DLK1: variants seen among roughly 807,000 people sequenced by gnomAD.
DLK1 encodes delta like non-canonical Notch ligand 1.
A neutral mutation model predicts 35.2 loss-of-function variants in DLK1; 9 were observed. The ratio of observed to expected loss-of-function variants is 0.26; its 90% confidence interval spans 0.15 to 0.45. The LOEUF (loss-of-function observed/expected upper bound fraction) is 0.45. DLK1 is among the 20% of genes least tolerant of loss of function. The pLI, the probability that DLK1 is intolerant of heterozygous loss-of-function variation, is 1.00. For missense variants in DLK1, 522 were observed against 528.5 expected, an observed-to-expected ratio of 0.99 and a Z score of 0.12; for synonymous variants, 231 against 228.4, an observed-to-expected ratio of 1.01 and a Z score of -0.10.
rs1392495010 is a variant in DLK1, at chr14:100,733,404, A to G, written c.405-745A>G. Among the ~76,000 whole-genome samples the G allele has an allele frequency of 3.9e-5, 6 of 152,156 alleles. No individual in the cohort carries two copies. The East Asian group carries it at 9.6e-4, about 24-fold the overall frequency. On this transcript the variant is annotated intron_variant, in intron 4 of 4. Coordinates refer to ENST00000341267, the MANE Select transcript of DLK1 (RefSeq NM_003836.7). ...TTACATTAAATGCTCCTTGTACTCC[A>G]CTTTGAGCAAACAGCTTTGGTTTGC...
chr14:100,732,273 G>A (rs1027090340), intron 4 of DLK1, 90 bp downstream of exon 4: 27 of 1,516,080 alleles, frequency 1.8e-5, no homozygotes, highest in East Asian at 2.4e-5. Flanking sequence ...TGGACCTGTC[G>A]TCTGACAAAA....
chr14:100,728,715 T>TC (rs953102899), intron 2 of DLK1: 9 of 678,618 alleles, frequency 1.3e-5, no homozygotes, highest in East Asian at 2.7e-5. Flanking sequence ...AACGCAGCAC[T>TC]CCCCCGGGAT....
At chr14:100,732,312 C>T (rs1452485349) in intron 4 of DLK1, 129 bp downstream of exon 4, 1 of 1,371,620 alleles carries the variant, frequency 7.3e-7, no homozygotes, top group Non-Finnish European at 9.8e-7. Context: ...CCTGGCAGCC[C>T]CGTAGGGGAC....
In DLK1 at chr14:100,734,132, TC is replaced by T; in HGVS notation, c.405-14del. On this transcript the variant is annotated splice_polypyrimidine_tract_variant and intron_variant, in intron 4 of 4. Transcript: ENST00000341267. This position sits in a 1 kb window ranked among gnomAD's most constrained non-coding sequence, Gnocchi z 7.4. Reference sequence around the variant, plus strand: ...CTAGCCCCTGAGGCCGTTTACTATGTCCCTGTTGTGTTGCAGCTCCCCCTGC... The same window carrying T: ...CTAGCCCCTGAGGCCGTTTACTATGTCCTGTTGTGTTGCAGCTCCCCCTGC... The T allele has an allele frequency of 6.3e-7, 1 of 1,587,722 alleles. No homozygotes were observed. The highest frequency in any genetic ancestry group is 8.6e-7 in the Non-Finnish European group (1 of 1,167,678).
intron 2 of DLK1, 171 bp downstream of exon 2, chr14:100,728,630 G>A (rs1171517587): frequency 1.9e-5 from 5 of 258,454 alleles, no homozygotes; most frequent in African/African-American, 7.2e-5. Flanking sequence ...GGGGCGGGGG[G>A]GGGGCAGCCA....
At chr14:100,731,702 C>T (rs534675594) in intron 3 of DLK1, among the ~76,000 whole-genome samples, 103 of 152,154 alleles carry the variant, frequency 6.8e-4, no homozygotes, top group Non-Finnish European at 1.1e-3. Context: ...GGAATCTCAG[C>T]TAGGCACGCT....
At chr14:100,732,281 A>C in intron 4 of DLK1, 98 bp downstream of exon 4, 1 of 1,511,048 alleles carries the variant, frequency 6.6e-7, no homozygotes, top group Non-Finnish European at 8.9e-7. Flanking sequence ...TCGTCTGACA[A>C]AAGATGAAGT....
chr14:100,729,131 C>T (rs769725042), intron 3 of DLK1, 65 bp downstream of exon 3: 2 of 1,605,810 alleles, frequency 1.2e-6, no homozygotes, highest in Admixed American at 3.3e-5. Context: ...CCCCTACCAC[C>T]TCCTCCCAGT....
rs934191567 is a variant in DLK1 at position 100,734,533 on chromosome 14, G to A, written c.789G>A (p.Gly263=). The A allele has an allele frequency of 1.2e-6, 2 of 1,612,340 alleles. No individual in the cohort carries two copies. Among genetic ancestry groups the A allele is most frequent in the Non-Finnish European group, 1.7e-6 (2 of 1,179,466 alleles). ...QQVTRLPSGY[G]LAYRLTPGVH... ...TCACCCGTCTGCCCAGCGGCTATGG[G>A]CTGGCCTACCGCCTGACCCCTGGGG... Residue 263 remains glycine (G), a synonymous_variant, in exon 5 of 5, where the codon GGG becomes GGA. Transcript: ENST00000341267. This position sits in a 1 kb window ranked among gnomAD's most constrained non-coding sequence, Gnocchi z 7.4.
intron 2 of DLK1, chr14:100,728,716 C>G (rs1245606300): frequency 5.8e-6 from 4 of 690,056 alleles, no homozygotes; most frequent in Admixed American, 2.7e-5. Flanking sequence ...ACGCAGCACT[C>G]CCCCGGGATC....
In DLK1 at chr14:100,734,801, T is replaced by G. The variant is rs754959564; in HGVS notation, c.1057T>G (p.Tyr353Asp). ...GAAGAAGAAGAACCTGCTGCTTCAG[T>G]ACAACAGCGGGGAGGACCTGGCCGT... is the stretch of plus-strand genomic sequence containing the variant. ...LRKKKNLLLQ[Y>D]NSGEDLAVNI... Residue 353 changes from tyrosine (Y) to aspartate (D), a missense_variant, in exon 5 of 5, where the codon TAC (tyrosine) becomes GAC (aspartate). Tyr to Asp is a radical substitution (Grantham distance 160). Coordinates refer to ENST00000341267, the MANE Select transcript of DLK1 (RefSeq NM_003836.7). The surrounding 1 kb of genome is among the most constrained non-coding windows in gnomAD (Gnocchi z 7.4). The G allele has an allele frequency of 2.5e-6, 4 of 1,613,880 alleles. No individual in the cohort carries two copies. Among genetic ancestry groups the G allele is most frequent in the South Asian group, 1.1e-5 (1 of 91,072 alleles).
chr14:100,729,370 G>C (rs1042765479), intron 3 of DLK1: 3 of 620,826 alleles, frequency 4.8e-6, no homozygotes, highest in Non-Finnish European at 8.7e-6. Flanking sequence ...CAGCTGGGCC[G>C]GTGGGACCAC....
chr14:100,735,090 GATACAGAATAATA>G lies in DLK1; in HGVS notation c.*198_*210del. On this transcript the variant is annotated 3_prime_UTR_variant, in exon 5 of 5. Coordinates refer to ENST00000341267, the MANE Select transcript of DLK1 (RefSeq NM_003836.7). The stretch of plus-strand genomic sequence containing the variant: ...ATCCTCTTTCTCTCTCTTAATGCAT[GATACAGAATAATA>G]ATAAGAATTTCATCTTTAAATGAGT... 1 of 498,780 alleles carries G rather than the reference GATACAGAATAATA, an allele frequency of 2.0e-6. No individual in the cohort carries two copies. The highest frequency in any genetic ancestry group is 3.5e-4 in the Middle Eastern group (1 of 2,898). The allele number at this position is 498,780 out of a possible 1,614,324, so 30.9% of individuals were successfully genotyped here. A position where few individuals can be genotyped will look rare whatever the true frequency, so the allele number is the denominator to read the frequency against.
chr14:100,730,761 C>G (rs189092283), intron 3 of DLK1, among the ~76,000 whole-genome samples: 2 of 152,232 alleles, frequency 1.3e-5, no homozygotes, highest in Non-Finnish European at 2.9e-5. Context: ...AATGCCTTGC[C>G]GGTGCCGTCC....
At position 100,735,652 on chromosome 14, in the gene DLK1, T is replaced by A. The variant is rs1184517560; in HGVS notation, c.*756T>A. On this transcript the variant is annotated 3_prime_UTR_variant, in exon 5 of 5. Coordinates refer to ENST00000341267, the MANE Select transcript of DLK1 (RefSeq NM_003836.7). The stretch of plus-strand genomic sequence containing the variant: ...AGGGGGTATGAACCAAAACACTTCC[T>A]GACCCCAACAATTGGGATCTGATGA... 3.9e-5 allele frequency: 6 copies of A among 152,230 alleles called. No individual in the cohort carries two copies. Among genetic ancestry groups the A allele is most frequent in the Non-Finnish European group, 5.9e-5 (4 of 68,048 alleles). The allele number at this position is 152,230 out of a possible 1,614,324, so 9.4% of individuals were successfully genotyped here.
rs1266327693 is a variant in DLK1, at chr14:100,728,390, C to T, written c.68-6C>T. On this transcript the variant is annotated splice_polypyrimidine_tract_variant and splice_region_variant and intron_variant, in intron 1 of 4. Transcript: ENST00000341267. ...GGTGAATTGTATAACCTTTCTTGTACCTCAGGGGCTGAATGCTTCCCGGCC... is the reference window on the plus strand; with the variant it reads ...GGTGAATTGTATAACCTTTCTTGTATCTCAGGGGCTGAATGCTTCCCGGCC... 5.6e-6 allele frequency: 9 copies of T among 1,613,656 alleles called. No individual in the cohort carries two copies. In the Middle Eastern group the frequency reaches 5.0e-4, roughly 89 times the overall value.
chr14:100,731,937 G>C, intron 3 of DLK1, 105 bp from the exon 4 acceptor site: 1 of 1,423,664 alleles, frequency 7.0e-7, no homozygotes, highest in Non-Finnish European at 9.3e-7. Context: ...TCTTACTCCA[G>C]ACCCCACTCG....
At chr14:100,729,546 G>A (rs1192217387) in intron 3 of DLK1, among the ~76,000 whole-genome samples, 1 of 151,892 alleles carries the variant, frequency 6.6e-6, no homozygotes, top group African/African-American at 2.4e-5. Context: ...TGAGGGGCAG[G>A]TGCTGAGTCA....
rs1374951337 is a variant in DLK1 at position 100,737,587 on chromosome 14, T to G, written c.*2691T>G. 6.6e-6 allele frequency: 1 copy of G among 152,314 alleles called. No homozygotes were observed. The highest frequency in any genetic ancestry group is 1.9e-4 in the East Asian group (1 of 5,196). The allele number at this position is 152,314 out of a possible 1,614,324, so 9.4% of individuals were successfully genotyped here. A position where few individuals can be genotyped will look rare whatever the true frequency, so the allele number is the denominator to read the frequency against. On this transcript the variant is annotated 3_prime_UTR_variant, in exon 5 of 5. Transcript: ENST00000341267. ...CCACAACCCATCTGATCAGGAAGCA[T>G]TTCCAGGCACCTGCGGAGCACTAGG...
Sources: gnomAD v4.1 joint callset for allele counts (sites outside exome capture counted in the v4.1 genomes callset) on GRCh38, gnomAD v4.1.1 for gene constraint, Gnocchi (gnomAD v3.1) non-coding constraint, MANE v1.5 for transcripts, NCBI Gene and HGNC (gene_info 2026-07-23, HGNC 2026-07-21) for gene names.